The following PLCB1 variants were observed in gnomAD, a reference collection of about 807,000 sequenced individuals.
PLCB1 encodes phospholipase C beta 1.
PLCB1 carries 46 observed loss-of-function variants against 161.8 expected under a neutral mutation model. The observed-to-expected ratio is 0.28, with a 90% CI of 0.22 to 0.36. The LOEUF (loss-of-function observed/expected upper bound fraction) is 0.36, where lower values mean the gene tolerates loss of function less well. Among genes scored for constraint, PLCB1 ranks in the 10% least tolerant of loss-of-function variants. PLCB1 has a pLI of 1.00. For missense variants in PLCB1, 1,016 were observed against 1,472.5 expected (o/e 0.69, Z 5.07); for synonymous variants, 517 against 503.7 (o/e 1.03, Z -0.35).
intron 31 of PLCB1, among the ~76,000 whole-genome samples, chr20:8,858,239 G>A (rs1206687980): frequency 6.6e-6 from 1 of 152,116 alleles, no homozygotes; most frequent in Non-Finnish European, 1.5e-5. Flanking sequence ...ACCACGGCCT[G>A]CTCTTGTTAC....
At chr20:8,376,438 CT>C (rs1568652691) in intron 3 of PLCB1, among the ~76,000 whole-genome samples, 1 of 152,072 alleles carries the variant, frequency 6.6e-6, no homozygotes, top group African/African-American at 2.4e-5. Flanking sequence ...AACATGATAG[CT>C]TTTTTACTTC....
At chr20:8,525,599 C>T (rs1305992898) in intron 3 of PLCB1, among the ~76,000 whole-genome samples, 2 of 152,128 alleles carry the variant, frequency 1.3e-5, no homozygotes, top group African/African-American at 4.8e-5. Flanking sequence ...AGGGAAATCA[C>T]TATACACAAA....
chr20:8,834,770 G>A (rs942558300), intron 31 of PLCB1, among the ~76,000 whole-genome samples: 7 of 135,344 alleles, frequency 5.2e-5, no homozygotes, highest in South Asian at 2.5e-4. Context: ...AGCCAAGTCC[G>A]CGCCACTGCA....
Position 8,685,716 on chromosome 20 carries a change from G to A in PLCB1, c.1009+638G>A, listed in dbSNP as rs550093414. On this transcript the variant is annotated intron_variant, in intron 10 of 31. Transcript: ENST00000338037. ...CACACCACTGCACCCCAACCTGGGTGACAAGAATGAAACTTTGTCTCAAAA... is the reference window on the plus strand; with the variant it reads ...CACACCACTGCACCCCAACCTGGGTAACAAGAATGAAACTTTGTCTCAAAA... Among the ~76,000 whole-genome samples the A allele has an allele frequency of 4.7e-4, 71 of 151,908 alleles. No individual in the cohort carries two copies. In the Middle Eastern group the frequency reaches 0.01, roughly 22 times the overall value.
Position 8,136,579 on chromosome 20 carries a change from T to G in PLCB1, c.99+3829T>G, listed in dbSNP as rs901540375. ...AGGCGGAGCTTGCAGTGAGCCGAGA[T>G]CGCGCCACTGCACTCCAGCCTGGGC... is the stretch of plus-strand genomic sequence containing the variant. On this transcript the variant is annotated intron_variant, in intron 1 of 31. Coordinates refer to ENST00000338037, the MANE Select transcript of PLCB1 (RefSeq NM_015192.4). 4.0e-5 allele frequency among the ~76,000 whole-genome samples: 6 copies of G among 150,504 alleles called. No homozygotes were observed. The South Asian group carries it at 8.4e-4, about 21-fold the overall frequency.
chr20:8,395,351 CA>C, intron 3 of PLCB1, among the ~76,000 whole-genome samples: 1 of 151,862 alleles, frequency 6.6e-6, no homozygotes, highest in African/African-American at 2.4e-5. Context: ...CTTTAGAAGG[CA>C]TTGTCTACAT....
chr20:8,520,293 C>A lies in PLCB1; in HGVS notation c.247-108001C>A, dbSNP rs892668417. Among the ~76,000 whole-genome samples, 3 of 152,144 alleles carry A rather than the reference C, an allele frequency of 2.0e-5. No homozygotes were observed. In the South Asian group the frequency reaches 6.2e-4, roughly 32 times the overall value. On this transcript the variant is annotated intron_variant, in intron 3 of 31. Coordinates refer to ENST00000338037, the MANE Select transcript of PLCB1 (RefSeq NM_015192.4). ...CCATTGGTTAATTTTAAGTTAGAGT[C>A]CTTATTATTGCAATTTCCATCATAA... is the stretch of plus-strand genomic sequence containing the variant.
chr20:8,400,270 C>T (rs1978491559), intron 3 of PLCB1, among the ~76,000 whole-genome samples: 1 of 152,060 alleles, frequency 6.6e-6, no homozygotes, highest in African/African-American at 2.4e-5. Flanking sequence ...CTTTAAGTGA[C>T]TTGTCACAGG....
intron 2 of PLCB1, among the ~76,000 whole-genome samples, chr20:8,181,248 CAAAAAAAAA>C (rs60871672): frequency 2.0e-4 from 16 of 81,318 alleles, no homozygotes; most frequent in Middle Eastern, 5.6e-3. Flanking sequence ...GACTCTGTCT[CAAAAAAAAA>C]AAAAAAAAAA....
chr20:8,293,623 T>TC (rs397865207), intron 2 of PLCB1, among the ~76,000 whole-genome samples: 1 of 151,964 alleles, frequency 6.6e-6, no homozygotes, highest in Non-Finnish European at 1.5e-5. Flanking sequence ...GTTTTTTTTT[T>TC]AGCATTGCTT....
chr20:8,267,018 C>T (rs1024272211), intron 2 of PLCB1, among the ~76,000 whole-genome samples: 3 of 141,634 alleles, frequency 2.1e-5, no homozygotes, highest in African/African-American at 5.3e-5. Flanking sequence ...GTCTGGGCAA[C>T]GAGAGCGAGA....
chr20:8,567,741 C>CATAA (rs1248694918), intron 3 of PLCB1, among the ~76,000 whole-genome samples: 1 of 152,144 alleles, frequency 6.6e-6, no homozygotes, highest in Non-Finnish European at 1.5e-5. Context: ...CTCTAAAACA[C>CATAA]ATAAATAAAT....
chr20:8,693,598 A>G (rs1242630076), intron 10 of PLCB1, among the ~76,000 whole-genome samples: 9 of 152,224 alleles, frequency 5.9e-5, no homozygotes. Flanking sequence ...AGGCCACTGA[A>G]TTAACAAATA....
chr20:8,156,878 A>G (rs1409627739), intron 2 of PLCB1, among the ~76,000 whole-genome samples: 2 of 152,228 alleles, frequency 1.3e-5, no homozygotes, highest in Non-Finnish European at 2.9e-5. Context: ...TTGCTACATA[A>G]TAAACAATGA....
chr20:8,464,291 TG>T (rs1981715928), intron 3 of PLCB1, among the ~76,000 whole-genome samples: 2 of 152,184 alleles, frequency 1.3e-5, no homozygotes, highest in South Asian at 2.1e-4. Flanking sequence ...CCTCAGGATT[TG>T]TTGTGCTTCC....
At chr20:8,371,472 A>C in intron 3 of PLCB1, 22 bp downstream of exon 3, 2 of 1,509,194 alleles carry the variant, frequency 1.3e-6, no homozygotes, top group South Asian at 1.2e-5. Flanking sequence ...AGTGTTGTGC[A>C]TGCACCAGAT....
intron 2 of PLCB1, among the ~76,000 whole-genome samples, chr20:8,333,366 G>C (rs1375286152): frequency 6.6e-6 from 1 of 152,194 alleles, no homozygotes; most frequent in Non-Finnish European, 1.5e-5. Flanking sequence ...TTTCATCCAG[G>C]TGGGGATTCC....
intron 31 of PLCB1, among the ~76,000 whole-genome samples, chr20:8,865,272 A>G (rs778234975): frequency 4.6e-5 from 7 of 152,210 alleles, no homozygotes; most frequent in Non-Finnish European, 7.3e-5. Flanking sequence ...GTTATAAAGT[A>G]CTCAAGATTT....
intron 3 of PLCB1, among the ~76,000 whole-genome samples, chr20:8,543,207 T>G (rs952610006): frequency 1.3e-5 from 2 of 151,928 alleles, no homozygotes; most frequent in Non-Finnish European, 2.9e-5. Flanking sequence ...AAAAAATAAG[T>G]AAAATAAGGA....
Sources: allele counts gnomAD v4.1 joint callset (sites outside exome capture counted in the v4.1 genomes callset), GRCh38; gene constraint gnomAD v4.1.1; transcripts MANE v1.5; gene names NCBI Gene and HGNC (gene_info 2026-07-23, HGNC 2026-07-21).